The following LRMDA variants were observed in gnomAD, a reference collection of about 807,000 sequenced individuals.
LRMDA encodes the protein leucine rich melanocyte differentiation associated.
A neutral mutation model predicts 29.8 loss-of-function variants in LRMDA; 18 were observed. The ratio of observed to expected loss-of-function variants is 0.60; its 90% confidence interval spans 0.42 to 0.90. LRMDA has a LOEUF of 0.90. Among genes scored for constraint, LRMDA ranks in the 40% least tolerant of loss-of-function variants. The pLI is 0.00. For missense variants in LRMDA, 273 were observed against 273.9 expected, an observed-to-expected ratio of 1.00 and a Z score of 0.02; for synonymous variants, 125 against 109.4, an observed-to-expected ratio of 1.14 and a Z score of -0.89.
intron 2 of LRMDA, among the ~76,000 whole-genome samples, chr10:75,706,882 G>T (rs1372375257): frequency 3.9e-5 from 6 of 152,148 alleles, no homozygotes; most frequent in Non-Finnish European, 8.8e-5. Context: ...TGAAGTGGTG[G>T]TGGGGACCTC....
At chr10:76,468,603 G>A (rs1190685450) in intron 6 of LRMDA, among the ~76,000 whole-genome samples, 2 of 152,152 alleles carry the variant, frequency 1.3e-5, no homozygotes, top group African/African-American at 4.8e-5. Context: ...ATTCAGCAGG[G>A]AGTTTGTAAT....
chr10:75,789,840 A>G (rs1287149734), intron 2 of LRMDA, among the ~76,000 whole-genome samples: 1 of 152,204 alleles, frequency 6.6e-6, no homozygotes, highest in African/African-American at 2.4e-5. Flanking sequence ...TCTGACACAT[A>G]GCATGTCTGA....
At chr10:75,976,071 C>T (rs1320105399) in intron 2 of LRMDA, among the ~76,000 whole-genome samples, 1 of 152,242 alleles carries the variant, frequency 6.6e-6, no homozygotes, top group African/African-American at 2.4e-5. Context: ...TGCTGAATTC[C>T]CTCCAGCAGT....
chr10:76,351,861 A>G (rs900785255), intron 6 of LRMDA, among the ~76,000 whole-genome samples: 3 of 152,162 alleles, frequency 2.0e-5, no homozygotes, highest in African/African-American at 7.2e-5. Flanking sequence ...GGCGCTATGT[A>G]AGAAGTGTTG....
chr10:75,897,059 G>A (rs1048354059), intron 2 of LRMDA, among the ~76,000 whole-genome samples: 4 of 152,200 alleles, frequency 2.6e-5, no homozygotes, highest in South Asian at 2.1e-4. Context: ...TGAAATTAAG[G>A]TCTTACCGTA....
intron 2 of LRMDA, among the ~76,000 whole-genome samples, chr10:75,478,219 A>G (rs1356754649): frequency 6.6e-6 from 1 of 152,224 alleles, no homozygotes; most frequent in Non-Finnish European, 1.5e-5. Flanking sequence ...AGTCAGGTGG[A>G]GAAAAATAGC....
chr10:76,443,621 T>G (rs1408580480), intron 6 of LRMDA, among the ~76,000 whole-genome samples: 1 of 152,200 alleles, frequency 6.6e-6, no homozygotes, highest in Non-Finnish European at 1.5e-5. Flanking sequence ...GTGTAGAGTT[T>G]AAAGTGCTTT....
chr10:76,170,150 T>C (rs1042857429), intron 5 of LRMDA, among the ~76,000 whole-genome samples: 1 of 152,294 alleles, frequency 6.6e-6, no homozygotes, highest in African/African-American at 2.4e-5. Context: ...GGATCAGGGC[T>C]GGAAAAGTAG....
intron 5 of LRMDA, among the ~76,000 whole-genome samples, chr10:76,288,980 TA>T (rs1840305949): frequency 6.6e-6 from 1 of 152,172 alleles, no homozygotes; most frequent in Non-Finnish European, 1.5e-5. Context: ...CAAACAAACA[TA>T]AAAGATATTT....
intron 2 of LRMDA, among the ~76,000 whole-genome samples, chr10:75,700,227 A>G (rs1842287713): frequency 6.6e-6 from 1 of 151,474 alleles, no homozygotes; most frequent in Non-Finnish European, 1.5e-5. Context: ...CAAGTTTTAA[A>G]CTGAAATTAG....
chr10:75,574,080 A>T (rs1840471502), intron 2 of LRMDA, among the ~76,000 whole-genome samples: 1 of 151,846 alleles, frequency 6.6e-6, no homozygotes, highest in African/African-American at 2.4e-5. Context: ...GGTAGCCCTT[A>T]GATATCCAGC....
At chr10:75,613,317 C>A (rs1841057262) in intron 2 of LRMDA, among the ~76,000 whole-genome samples, 1 of 152,106 alleles carries the variant, frequency 6.6e-6, no homozygotes, top group African/African-American at 2.4e-5. Context: ...CAGATAGCTA[C>A]TAGCCAAGAA....
At chr10:75,460,768 T>G (rs1844575435) in intron 2 of LRMDA, among the ~76,000 whole-genome samples, 1 of 152,306 alleles carries the variant, frequency 6.6e-6, no homozygotes, top group Non-Finnish European at 1.5e-5. Flanking sequence ...TAATTTGGTT[T>G]TTTAGTGATT....
At chr10:76,303,105 T>C (rs1345813362) in intron 5 of LRMDA, among the ~76,000 whole-genome samples, 2 of 152,190 alleles carry the variant, frequency 1.3e-5, no homozygotes, top group East Asian at 3.9e-4. Context: ...AGCCCCTTGC[T>C]GAACTCTTTG....
chr10:76,359,848 G>T (rs1295983240), intron 6 of LRMDA, among the ~76,000 whole-genome samples: 4 of 152,116 alleles, frequency 2.6e-5, no homozygotes, highest in African/African-American at 9.7e-5. Context: ...ATTCGTTAAG[G>T]CTGGGAGTAG....
chr10:76,066,353 A>G (rs572105022), intron 5 of LRMDA, among the ~76,000 whole-genome samples: 2 of 152,340 alleles, frequency 1.3e-5, no homozygotes, highest in East Asian at 3.9e-4. Context: ...TAGCTATTGT[A>G]CCAGCTGCTT....
At chr10:76,026,331 G>A (rs778469318) in intron 2 of LRMDA, among the ~76,000 whole-genome samples, 1 of 152,182 alleles carries the variant, frequency 6.6e-6, no homozygotes, top group Non-Finnish European at 1.5e-5. Context: ...TGCACTTTAT[G>A]TACACAGGTT....
chr10:75,758,195 G>A (rs377709784), intron 2 of LRMDA, among the ~76,000 whole-genome samples: 6 of 152,230 alleles, frequency 3.9e-5, no homozygotes, highest in African/African-American at 4.8e-5. Flanking sequence ...AGGGTGTGAG[G>A]GGGGTGACGG....
At chr10:76,456,613 A>C (rs1439055147) in intron 6 of LRMDA, among the ~76,000 whole-genome samples, 1 of 151,866 alleles carries the variant, frequency 6.6e-6, no homozygotes, top group Non-Finnish European at 1.5e-5. Context: ...TTCTTTGTGC[A>C]GACCAAGGAG....
Sources: gnomAD v4.1 joint callset for allele counts (sites outside exome capture counted in the v4.1 genomes callset) on GRCh38, gnomAD v4.1.1 for gene constraint, MANE v1.5 for transcripts, NCBI Gene and HGNC (gene_info 2026-07-23, HGNC 2026-07-21) for gene names.